The following FAM53B variants were observed in gnomAD, a reference collection of about 807,000 sequenced individuals.
FAM53B encodes protein FAM53B.
Under a neutral mutation model 32.7 loss-of-function variants are expected in FAM53B, and 12 were observed. The observed-to-expected ratio is 0.37, with a 90% CI of 0.24 to 0.59. The LOEUF (loss-of-function observed/expected upper bound fraction) is 0.59. FAM53B is among the 20% of genes least tolerant of loss of function. The probability of loss-of-function intolerance (pLI) is 0.72; values close to 1 mark genes in which losing one functional copy is unlikely to be tolerated. For synonymous variants in FAM53B, 234 were observed against 228.7 expected (o/e 1.02, Z -0.21); for missense variants, 477 against 577.7 (o/e 0.83, Z 1.79).
chr10:124,622,925 A>AC lies in FAM53B; in HGVS notation c.*316_*317insG, dbSNP rs763278351. 71 of 282,716 alleles carry AC rather than the reference A, an allele frequency of 2.5e-4. No homozygotes were observed. The highest frequency in any genetic ancestry group is 4.3e-4 in the Non-Finnish European group (64 of 149,884). 17.5% of individuals were successfully genotyped at this position (282,716 alleles called of 1,614,324 possible). ...TGCCCAGCTCTGCCGGGGACAACAG[A>AC]GACTGCCCAACATCCCACAGGGAAA... On this transcript the variant is annotated 3_prime_UTR_variant, in exon 5 of 5. Transcript: ENST00000337318.
intron 4 of FAM53B, among the ~76,000 whole-genome samples, chr10:124,637,733 A>G (rs1366587657): frequency 6.6e-6 from 1 of 152,130 alleles, no homozygotes; most frequent in Non-Finnish European, 1.5e-5. Flanking sequence ...CTGCCTACTC[A>G]GGCTCCCCTG....
At chr10:124,633,705 C>T (rs1949407658) in intron 4 of FAM53B, among the ~76,000 whole-genome samples, 1 of 152,116 alleles carries the variant, frequency 6.6e-6, no homozygotes. Context: ...ATGGCATTCT[C>T]AACAGATGGT....
At chr10:124,690,541 C>A (rs964952141) in intron 3 of FAM53B, among the ~76,000 whole-genome samples, 10 of 152,208 alleles carry the variant, frequency 6.6e-5, no homozygotes, top group Non-Finnish European at 1.3e-4. Flanking sequence ...ATCAGGTGAG[C>A]CCAACCTGGG....
chr10:124,620,926 C>CGGGGAGGT lies in FAM53B; in HGVS notation c.*2308_*2315dup, dbSNP rs889247250. ...CTTGCTGGTCGATGGGACCAGCTTG[C>CGGGGAGGT]GGGGAGGTGGGGAGGTGGCTGTGAC... On this transcript the variant is annotated 3_prime_UTR_variant, in exon 5 of 5. Transcript: ENST00000337318. 2.6e-5 allele frequency: 4 copies of CGGGGAGGT among 152,274 alleles called. No homozygotes were observed. Among genetic ancestry groups the CGGGGAGGT allele is most frequent in the African/African-American group, 9.6e-5 (4 of 41,544 alleles). 9.4% of individuals were successfully genotyped at this position (152,274 alleles called of 1,614,324 possible).
chr10:124,681,090 A>G (rs1949767709), intron 4 of FAM53B, among the ~76,000 whole-genome samples: 1 of 152,242 alleles, frequency 6.6e-6, no homozygotes, highest in Non-Finnish European at 1.5e-5. Context: ...CTCAGAGGAT[A>G]TTGATCACAA....
intron 4 of FAM53B, among the ~76,000 whole-genome samples, chr10:124,657,993 C>T (rs945859774): frequency 1.3e-5 from 2 of 152,158 alleles, no homozygotes; most frequent in Non-Finnish European, 2.9e-5. Flanking sequence ...GCAGCTGTGA[C>T]GATATGTAGG....
intron 4 of FAM53B, among the ~76,000 whole-genome samples, chr10:124,678,273 G>A (rs1254476583): frequency 6.6e-6 from 1 of 152,202 alleles, no homozygotes; most frequent in Non-Finnish European, 1.5e-5. Context: ...CACCCGGCCT[G>A]TGCCAGCCAA....
intron 4 of FAM53B, among the ~76,000 whole-genome samples, chr10:124,662,633 T>G (rs1045378032): frequency 6.6e-6 from 1 of 152,100 alleles, no homozygotes; most frequent in Admixed American, 6.5e-5. Context: ...CTAAGCAACA[T>G]AGCAAGACCC....
At chr10:124,721,631 T>C (rs571339256) in intron 1 of FAM53B, among the ~76,000 whole-genome samples, 4 of 152,348 alleles carry the variant, frequency 2.6e-5, no homozygotes, top group African/African-American at 4.8e-5. Flanking sequence ...GTAAGACAGC[T>C]TCCTCAAGAC....
chr10:124,654,868 T>C (rs1433651876), intron 4 of FAM53B, among the ~76,000 whole-genome samples: 5 of 152,136 alleles, frequency 3.3e-5, no homozygotes, highest in African/African-American at 1.2e-4. Context: ...CTGTGTCTGG[T>C]CTAAGGAGCT....
intron 4 of FAM53B, among the ~76,000 whole-genome samples, chr10:124,629,365 T>C (rs1050294711): frequency 6.6e-6 from 1 of 152,244 alleles, no homozygotes; most frequent in Non-Finnish European, 1.5e-5. Context: ...CTGCTCCTCA[T>C]GGCGGGACCA....
At chr10:124,666,641 T>C (rs1229032191) in intron 4 of FAM53B, among the ~76,000 whole-genome samples, 1 of 151,970 alleles carries the variant, frequency 6.6e-6, no homozygotes, top group Non-Finnish European at 1.5e-5. Flanking sequence ...TCCCACCACC[T>C]CCCATCTCCC....
chr10:124,696,259 A>C (rs1160605998), intron 2 of FAM53B, 47 bp from the exon 3 acceptor site: 1 of 1,499,546 alleles, frequency 6.7e-7, no homozygotes, highest in Admixed American at 1.7e-5. Flanking sequence ...CATAGGAAGC[A>C]TGTTTGCACT....
intron 1 of FAM53B, among the ~76,000 whole-genome samples, chr10:124,729,582 A>G (rs1214436859): frequency 6.6e-6 from 1 of 152,182 alleles, no homozygotes; most frequent in Non-Finnish European, 1.5e-5. Context: ...AAAGGTTTCC[A>G]TCCTGATTAC....
At chr10:124,715,300 C>T (rs1405656804) in intron 1 of FAM53B, among the ~76,000 whole-genome samples, 1 of 152,116 alleles carries the variant, frequency 6.6e-6, no homozygotes, top group Non-Finnish European at 1.5e-5. Context: ...AGGGTAGAAG[C>T]GGGACAGGAA....
chr10:124,650,522 C>T (rs117431718), intron 4 of FAM53B, among the ~76,000 whole-genome samples: 1 of 152,334 alleles, frequency 6.6e-6, no homozygotes, highest in East Asian at 1.9e-4. Flanking sequence ...CACCCTTTGG[C>T]CTATGTGATC....
At chr10:124,624,388 C>T (rs1013263980) in intron 4 of FAM53B, among the ~76,000 whole-genome samples, 1 of 152,212 alleles carries the variant, frequency 6.6e-6, no homozygotes, top group Non-Finnish European at 1.5e-5. Flanking sequence ...CTGTGCCCTC[C>T]ACAGGTGCTG....
At chr10:124,666,012 G>A (rs1033091812) in intron 4 of FAM53B, among the ~76,000 whole-genome samples, 2 of 152,200 alleles carry the variant, frequency 1.3e-5, no homozygotes, top group Non-Finnish European at 2.9e-5. Context: ...TCTTCCCTGA[G>A]CCCTGGCACA....
At chr10:124,672,297 C>T (rs2134063397) in intron 4 of FAM53B, among the ~76,000 whole-genome samples, 1 of 152,380 alleles carries the variant, frequency 6.6e-6, no homozygotes, top group African/African-American at 2.4e-5. Flanking sequence ...CTGCTCTGGC[C>T]CTCACTGGGC....
Sources: allele counts gnomAD v4.1 joint callset (sites outside exome capture counted in the v4.1 genomes callset), GRCh38; gene constraint gnomAD v4.1.1; transcripts MANE v1.5; gene names NCBI Gene and HGNC (gene_info 2026-07-23, HGNC 2026-07-21).